ATXN3: variants seen among roughly 807,000 people sequenced by gnomAD.
ATXN3 encodes the protein ataxin 3, also known as ataxin-3.
ATXN3 carries 28 observed loss-of-function variants against 58.2 expected under a neutral mutation model. That is an observed-to-expected ratio of 0.48 (90% CI 0.36 to 0.66). ATXN3 has a LOEUF of 0.66. Ranked by LOEUF, ATXN3 falls within the 30% of genes least tolerant of loss-of-function variation. The probability of loss-of-function intolerance (pLI) is 0.00; values close to 1 mark genes in which losing one functional copy is unlikely to be tolerated. For synonymous variants in ATXN3, 113 were observed against 138.5 expected (o/e 0.82, Z 1.29); for missense variants, 321 against 422.1 (o/e 0.76, Z 2.10).
chr14:92,099,648 T>C (rs55703926), intron 1 of ATXN3, among the ~76,000 whole-genome samples: 4 of 152,160 alleles, frequency 2.6e-5, no homozygotes, highest in Admixed American at 1.3e-4. Flanking sequence ...GCAGGAGGAT[T>C]ACTTGAGCCC....
At chr14:92,067,236 C>G (rs958850236) in intron 10 of ATXN3, among the ~76,000 whole-genome samples, 2 of 152,192 alleles carry the variant, frequency 1.3e-5, no homozygotes, top group Non-Finnish European at 2.9e-5. Flanking sequence ...AGAAATCTGA[C>G]TGTGATGTGT....
intron 9 of ATXN3, among the ~76,000 whole-genome samples, chr14:92,074,048 C>T (rs576723967): frequency 6.7e-6 from 1 of 148,662 alleles, no homozygotes; most frequent in East Asian, 2.0e-4. Context: ...AGAAATGGGC[C>T]AGGCATGGTG....
chr14:92,106,428 G>A, intron 1 of ATXN3, 101 bp downstream of exon 1: 2 of 1,491,344 alleles, frequency 1.3e-6, no homozygotes, highest in Non-Finnish European at 1.9e-6. Flanking sequence ...ATCGGCATGG[G>A]GGCGACTCGG....
chr14:92,075,572 T>C (rs572859250), intron 9 of ATXN3, among the ~76,000 whole-genome samples: 2 of 152,300 alleles, frequency 1.3e-5, no homozygotes, highest in South Asian at 2.1e-4. Flanking sequence ...ATATTCAGTA[T>C]GAAGCTTCAA....
intron 6 of ATXN3, 122 bp from the exon 7 acceptor site, chr14:92,083,380 G>A: frequency 1.0e-6 from 1 of 985,774 alleles, no homozygotes; most frequent in Non-Finnish European, 1.5e-6. Context: ...TGAGGATTCA[G>A]AAAGACTTTA....
chr14:92,055,042 C>T (rs942728592), downstream of ATXN3, among the ~76,000 whole-genome samples: 10 of 152,098 alleles, frequency 6.6e-5, no homozygotes, highest in East Asian at 1.9e-4. This position sits in a 1 kb window ranked among gnomAD's most constrained non-coding sequence, Gnocchi z 4.5. Flanking sequence ...CCACCACACC[C>T]GGCTAATTTT....
intron 1 of ATXN3, among the ~76,000 whole-genome samples, chr14:92,100,810 C>T (rs1279545997): frequency 1.3e-5 from 2 of 152,110 alleles, no homozygotes; most frequent in Non-Finnish European, 2.9e-5. Flanking sequence ...TACACATGTT[C>T]ACTGTGTGAA....
chr14:92,046,363 T>TG, intron 2 of ATXN3: 1 of 152,234 alleles, frequency 6.6e-6, no homozygotes, highest in South Asian at 2.1e-4. Flanking sequence ...GAAGGAAGTA[T>TG]GGGGAAATGG....
At chr14:92,105,332 C>T (rs2068022225) in intron 1 of ATXN3, among the ~76,000 whole-genome samples, 1 of 152,010 alleles carries the variant, frequency 6.6e-6, no homozygotes, top group South Asian at 2.1e-4. Context: ...GGGAGGATCG[C>T]TTGTGCCTAG....
chr14:92,066,101 T>A (rs2058355801), intron 10 of ATXN3, among the ~76,000 whole-genome samples: 1 of 134,430 alleles, frequency 7.4e-6, no homozygotes, highest in African/African-American at 3.0e-5. Context: ...AAAAAAAAAA[T>A]AAATAAATTT....
Position 92,088,752 on chromosome 14 carries a change from G to A in ATXN3, c.453C>T (p.Phe151=). Residue 151 remains phenylalanine (F), a synonymous_variant, in exon 6 of 11, where the codon TTC becomes TTT. Transcript: ENST00000644486. ...TACCTTCCTGTTGTAATTGAGCCAA[G>A]AAAAGTGCAAGATATGTATCTGATA... The part of the protein sequence containing the change: ...ELISDTYLAL[F]LAQLQQEGYS... The A allele has an allele frequency of 6.2e-7, 1 of 1,610,444 alleles. No homozygotes were observed. Among genetic ancestry groups the A allele is most frequent in the Non-Finnish European group, 8.5e-7 (1 of 1,177,152 alleles).
chr14:92,096,174 G>T, intron 2 of ATXN3, 37 bp from the exon 3 acceptor site: 1 of 1,610,554 alleles, frequency 6.2e-7, no homozygotes, highest in Non-Finnish European at 8.5e-7. Context: ...CAAGGGTGGG[G>T]GTGGGGAAAG....
intron 6 of ATXN3, among the ~76,000 whole-genome samples, chr14:92,085,279 C>T (rs112188765): frequency 0.012 from 1,818 of 151,840 alleles, 37 homozygotes; most frequent in African/African-American, 0.039. Context: ...CTCTGCCTCC[C>T]GGGTTCAAGT....
At chr14:92,072,184 C>T (rs376017626) in intron 9 of ATXN3, among the ~76,000 whole-genome samples, 3 of 152,052 alleles carry the variant, frequency 2.0e-5, no homozygotes, top group South Asian at 2.1e-4. Flanking sequence ...TTAAACATGA[C>T]GGTTATCATG....
Position 92,062,872 on chromosome 14 carries a change from A to G in ATXN3, c.*1448T>C, listed in dbSNP as rs2057872123. 1 of 152,660 alleles carries G rather than the reference A, an allele frequency of 6.6e-6. No homozygotes were observed. The highest frequency in any genetic ancestry group is 2.4e-5 in the African/African-American group (1 of 41,456). The allele number at this position is 152,660 out of a possible 1,614,324, so 9.5% of individuals were successfully genotyped here. A position where few individuals can be genotyped will look rare whatever the true frequency, so the allele number is the denominator to read the frequency against. ...CCACACACCAGGAGGGCAATATACC[A>G]TATTATAATTTTCGAAGTTGTCAGC... On this transcript the variant is annotated 3_prime_UTR_variant, in exon 11 of 11. Transcript: ENST00000644486.
intron 1 of ATXN3, among the ~76,000 whole-genome samples, chr14:92,100,730 G>C (rs557377431): frequency 6.6e-6 from 1 of 152,258 alleles, no homozygotes; most frequent in Admixed American, 6.5e-5. Context: ...ATGCAGTGGA[G>C]AGACAGTACC....
downstream of ATXN3, among the ~76,000 whole-genome samples, chr14:92,054,416 C>T (rs906153006): frequency 1.3e-5 from 2 of 152,174 alleles, no homozygotes; most frequent in African/African-American, 4.8e-5. Flanking sequence ...CCACCAAAAC[C>T]ACAAAGGCCA....
chr14:92,057,340 C>T (rs547708215), downstream of ATXN3, among the ~76,000 whole-genome samples: 5 of 151,044 alleles, frequency 3.3e-5, no homozygotes, highest in South Asian at 2.1e-4. Flanking sequence ...TGCTTGAACG[C>T]GGGAGGCAGA....
chr14:92,080,928 T>G, intron 9 of ATXN3, 37 bp downstream of exon 9: 1 of 1,464,058 alleles, frequency 6.8e-7, no homozygotes, highest in Non-Finnish European at 9.6e-7. Context: ...AAAGCAAATA[T>G]TAAACATGCT....
Sources: allele counts gnomAD v4.1 joint callset (sites outside exome capture counted in the v4.1 genomes callset), GRCh38; gene constraint gnomAD v4.1.1; non-coding constraint Gnocchi (gnomAD v3.1); transcripts MANE v1.5; gene names NCBI Gene and HGNC (gene_info 2026-07-23, HGNC 2026-07-21).